Variants in PPP1R8 observed in about 807,000 individuals in gnomAD.
PPP1R8 encodes the protein protein phosphatase 1 regulatory subunit 8.
Under a neutral mutation model 31.3 loss-of-function variants are expected in PPP1R8, and 4 were observed. The observed-to-expected ratio is 0.13, with a 90% CI of 0.06 to 0.29. The LOEUF (loss-of-function observed/expected upper bound fraction) is 0.29. Ranked by LOEUF, PPP1R8 falls within the 10% of genes least tolerant of loss-of-function variation. The probability of loss-of-function intolerance (pLI) is 1.00; values close to 1 mark genes in which losing one functional copy is unlikely to be tolerated. For missense variants in PPP1R8, 254 were observed against 440.1 expected (o/e 0.58, Z 3.78); for synonymous variants, 170 against 169.7 (o/e 1.00, Z -0.01).
At chr1:27,846,389 T>G (rs917159013) in intron 5 of PPP1R8, among the ~76,000 whole-genome samples, 1 of 152,252 alleles carries the variant, frequency 6.6e-6, no homozygotes, top group Admixed American at 6.5e-5. Flanking sequence ...TGACTGTGAA[T>G]TCAAGGGTGG....
chr1:27,840,867 T>A (rs991478791), intron 3 of PPP1R8, 147 bp from the exon 4 acceptor site: 3 of 771,838 alleles, frequency 3.9e-6, no homozygotes, highest in East Asian at 5.1e-5. Context: ...ATGGCATTTT[T>A]AAAATAAATT....
In PPP1R8 at chr1:27,844,152, G is replaced by A. The variant is rs147559935; in HGVS notation, c.637+822G>A. 2.7e-3 allele frequency among the ~76,000 whole-genome samples: 405 copies of A among 151,988 alleles called. 1 individual carries two copies. Among genetic ancestry groups the A allele is most frequent in the Middle Eastern group, 6.8e-3 (2 of 294 alleles). On this transcript the variant is annotated intron_variant, in intron 5 of 6. Coordinates refer to ENST00000311772, the MANE Select transcript of PPP1R8 (RefSeq NM_014110.5). Reference sequence around the variant, plus strand: ...TGAGTATCTGGGACAACAGGTGCACGTCACCACGCTCAGCTAATTGTCATA... The same window carrying A: ...TGAGTATCTGGGACAACAGGTGCACATCACCACGCTCAGCTAATTGTCATA...
chr1:27,849,880 G>A (rs1324904770), intron 6 of PPP1R8, among the ~76,000 whole-genome samples: 2 of 152,166 alleles, frequency 1.3e-5, no homozygotes, highest in African/African-American at 2.4e-5. Flanking sequence ...AGCAGTGTTT[G>A]GGAACCATCG....
rs1163456238 is a variant in PPP1R8, at chr1:27,831,193, A to G, written c.56+302A>G. 9 of 1,151,806 alleles carry G rather than the reference A, an allele frequency of 7.8e-6. No homozygotes were observed. In the East Asian group the frequency reaches 3.1e-4, roughly 39 times the overall value. The allele number at this position is 1,151,806 out of a possible 1,614,324, so 71.3% of individuals were successfully genotyped here. A position where few individuals can be genotyped will look rare whatever the true frequency, so the allele number is the denominator to read the frequency against. ...AGGCCTTGGCCCGAACTTACGCCCA[A>G]CTCTTGACTGAGTGCCTGGTGCTCT... On this transcript the variant is annotated intron_variant, in intron 1 of 6. Transcript: ENST00000311772.
At chr1:27,840,866 T>G in intron 3 of PPP1R8, 148 bp from the exon 4 acceptor site, 1 of 768,322 alleles carries the variant, frequency 1.3e-6, no homozygotes, top group East Asian at 2.6e-5. Flanking sequence ...TATGGCATTT[T>G]TAAAATAAAT....
At chr1:27,843,071 C>A (rs2089238480) in intron 4 of PPP1R8, 115 bp from the exon 5 acceptor site, 1 of 1,230,380 alleles carries the variant, frequency 8.1e-7, no homozygotes. Context: ...GTCTCAACTC[C>A]CTTTGGAGGT....
chr1:27,842,768 ATC>A (rs1403446782), intron 4 of PPP1R8, among the ~76,000 whole-genome samples: 1 of 152,192 alleles, frequency 6.6e-6, no homozygotes, highest in Non-Finnish European at 1.5e-5. Context: ...GTCCTTTTTC[ATC>A]TCAATTTTGT....
intron 3 of PPP1R8, 130 bp downstream of exon 3, chr1:27,838,982 T>C: frequency 1.0e-6 from 1 of 977,982 alleles, no homozygotes; most frequent in Non-Finnish European, 1.4e-6. Flanking sequence ...CCTTCTCTAT[T>C]TCTGTGATTT....
chr1:27,830,803 T>G lies in PPP1R8; in HGVS notation c.-33T>G. The G allele has an allele frequency of 3.2e-6, 5 of 1,563,962 alleles. No homozygotes were observed. The South Asian group carries it at 5.9e-5, about 18-fold the overall frequency. Reference sequence around the variant, plus strand: ...CGGTCTTCCAGTTTCCCGGCGTGCTTAGGGCGCGCCAAATGGGAGGGGGAG... The same window carrying G: ...CGGTCTTCCAGTTTCCCGGCGTGCTGAGGGCGCGCCAAATGGGAGGGGGAG... On this transcript the variant is annotated 5_prime_UTR_variant, in exon 1 of 7. Transcript: ENST00000311772.
Position 27,831,185 on chromosome 1 carries a change from T to TA in PPP1R8, c.56+295dup, listed in dbSNP as rs1191976769. The TA allele has an allele frequency of 2.5e-6, 3 of 1,177,324 alleles. No individual in the cohort carries two copies. In the African/African-American group the frequency reaches 4.9e-5, roughly 19 times the overall value. 72.9% of individuals were successfully genotyped at this position (1,177,324 alleles called of 1,614,324 possible). A position where few individuals can be genotyped will look rare whatever the true frequency, so the allele number is the denominator to read the frequency against. On this transcript the variant is annotated intron_variant, in intron 1 of 6. Transcript: ENST00000311772. ...GCGCTTCGAGGCCTTGGCCCGAACT[T>TA]ACGCCCAACTCTTGACTGAGTGCCT...
chr1:27,847,106 G>T lies in PPP1R8; in HGVS notation c.702+14G>T, dbSNP rs2089288519. On this transcript the variant is annotated intron_variant, in intron 6 of 6. Coordinates refer to ENST00000311772, the MANE Select transcript of PPP1R8 (RefSeq NM_014110.5). ...GTCCCAGTCAAGGTAGGAAGCACATGAAATGCCATACAGTCTGTGTTTTAA... is the reference window on the plus strand; with the variant it reads ...GTCCCAGTCAAGGTAGGAAGCACATTAAATGCCATACAGTCTGTGTTTTAA... 1.9e-6 allele frequency: 3 copies of T among 1,611,726 alleles called. No homozygotes were observed. The South Asian group carries it at 3.3e-5, about 18-fold the overall frequency.
rs1388882545 is a variant in PPP1R8 at position 27,850,471 on chromosome 1, G to A, written c.*25G>A. ...ATATTTTTGGTCATGGAGAAGGGTG[G>A]GATTGGGTGGGAATGGGGTGGAAGG... On this transcript the variant is annotated 3_prime_UTR_variant, in exon 7 of 7. Coordinates refer to ENST00000311772, the MANE Select transcript of PPP1R8 (RefSeq NM_014110.5). 1.6e-5 allele frequency: 10 copies of A among 639,246 alleles called. No individual in the cohort carries two copies. The highest frequency in any genetic ancestry group is 6.3e-5 in the Admixed American group (3 of 47,686). The allele number at this position is 639,246 out of a possible 1,614,324, so 39.6% of individuals were successfully genotyped here.
At chr1:27,831,307 C>A in intron 1 of PPP1R8, 2 of 998,474 alleles carry the variant, frequency 2.0e-6, no homozygotes, top group Non-Finnish European at 2.4e-6. Context: ...GCCCCGCATC[C>A]CTCTGTGGTT....
chr1:27,841,293 A>G lies in PPP1R8; in HGVS notation c.492+59A>G, dbSNP rs991426288. The G allele has an allele frequency of 1.9e-6, 3 of 1,568,916 alleles. No individual in the cohort carries two copies. The Admixed American group carries it at 5.1e-5, about 27-fold the overall frequency. On this transcript the variant is annotated intron_variant, in intron 4 of 6. Transcript: ENST00000311772. ...GGGGACCCTGGTTTTTGGAGTATAC[A>G]GCTGTTCTATGTAGCTGGAAATGCC...
chr1:27,838,597 T>C, intron 2 of PPP1R8, 102 bp from the exon 3 acceptor site: 1 of 729,818 alleles, frequency 1.4e-6, no homozygotes, highest in Non-Finnish European at 2.0e-6. Flanking sequence ...CTCAATCTAA[T>C]GGAAAGGAAT....
chr1:27,831,166 C>G (rs2089099706), intron 1 of PPP1R8: 1 of 1,225,970 alleles, frequency 8.2e-7, no homozygotes, highest in Non-Finnish European at 1.0e-6. Flanking sequence ...CGGAGCGCTT[C>G]GAGGCCTTGG....
At chr1:27,841,290 T>C (rs1157117691) in intron 4 of PPP1R8, 56 bp downstream of exon 4, 1 of 1,576,366 alleles carries the variant, frequency 6.3e-7, no homozygotes. Flanking sequence ...TTTTGGAGTA[T>C]ACAGCTGTTC....
At position 27,840,991 on chromosome 1, in the gene PPP1R8, G is replaced by A. The variant is rs202080176; in HGVS notation, c.272-23G>A. The A allele has an allele frequency of 1.8e-4, 293 of 1,611,442 alleles. 1 individual carries two copies. Among genetic ancestry groups the A allele is most frequent in the Non-Finnish European group, 2.2e-4 (259 of 1,178,024 alleles). ...AGGTTGTTTTTGTTTTCCCCCTTACGTTTCTGATTTGGTTATTCCCAGCAC... is the reference window on the plus strand; with the variant it reads ...AGGTTGTTTTTGTTTTCCCCCTTACATTTCTGATTTGGTTATTCCCAGCAC... On this transcript the variant is annotated intron_variant, in intron 3 of 6. Coordinates refer to ENST00000311772, the MANE Select transcript of PPP1R8 (RefSeq NM_014110.5).
At chr1:27,834,632 A>G (rs533363973) in intron 2 of PPP1R8, 2 of 474,176 alleles carry the variant, frequency 4.2e-6, no homozygotes, top group East Asian at 1.1e-4. Flanking sequence ...AAGCCAGTGC[A>G]TTATTTCATT....
Sources: allele counts gnomAD v4.1 joint callset (sites outside exome capture counted in the v4.1 genomes callset), GRCh38; gene constraint gnomAD v4.1.1; transcripts MANE v1.5; gene names NCBI Gene and HGNC (gene_info 2026-07-23, HGNC 2026-07-21).